Variants in GRIN3A observed in about 807,000 individuals in gnomAD.
GRIN3A encodes glutamate receptor ionotropic, NMDA 3A.
Under a neutral mutation model 92.4 loss-of-function variants are expected in GRIN3A, and 47 were observed. The observed-to-expected ratio is 0.51, with a 90% CI of 0.40 to 0.65. The LOEUF is 0.65. GRIN3A is among the 30% of genes least tolerant of loss of function. The pLI, the probability that GRIN3A is intolerant of heterozygous loss-of-function variation, is 0.00. For synonymous variants in GRIN3A, 527 were observed against 540.6 expected (o/e 0.97, Z 0.35); for missense variants, 1,324 against 1,393.1 (o/e 0.95, Z 0.79).
intron 3 of GRIN3A, among the ~76,000 whole-genome samples, chr9:101,632,848 A>G (rs1828733088): frequency 6.6e-6 from 1 of 152,228 alleles, no homozygotes; most frequent in South Asian, 2.1e-4. Flanking sequence ...AAACAGCTTA[A>G]GCATTTGAGC....
At chr9:101,657,895 G>A (rs1340764301) in intron 3 of GRIN3A, among the ~76,000 whole-genome samples, 5 of 151,886 alleles carry the variant, frequency 3.3e-5, no homozygotes, top group African/African-American at 4.8e-5. Context: ...TGTCTCTTTC[G>A]CTTCTTCATC....
chr9:101,635,948 G>T (rs943640266), intron 3 of GRIN3A, among the ~76,000 whole-genome samples: 1 of 152,142 alleles, frequency 6.6e-6, no homozygotes, highest in African/African-American at 2.4e-5. Context: ...TGGAGTGCAC[G>T]ATCTCAGCTC....
intron 4 of GRIN3A, among the ~76,000 whole-genome samples, chr9:101,623,877 A>G (rs1828592324): frequency 6.6e-6 from 1 of 152,256 alleles, no homozygotes; most frequent in Non-Finnish European, 1.5e-5. Flanking sequence ...GAAGTAACTT[A>G]AACCAGGTTA....
intron 5 of GRIN3A, among the ~76,000 whole-genome samples, chr9:101,617,887 A>C (rs1828487591): frequency 6.7e-6 from 1 of 148,938 alleles, no homozygotes; most frequent in Non-Finnish European, 1.5e-5. Flanking sequence ...TATGAGTGAG[A>C]ATATGCGGTG....
intron 5 of GRIN3A, among the ~76,000 whole-genome samples, chr9:101,621,335 A>C (rs1041009486): frequency 6.6e-6 from 1 of 152,082 alleles, no homozygotes; most frequent in Non-Finnish European, 1.5e-5. Context: ...AAAAGTAGCA[A>C]TCAAGACTTT....
chr9:101,587,471 G>A (rs1827964790), intron 6 of GRIN3A, among the ~76,000 whole-genome samples: 1 of 152,140 alleles, frequency 6.6e-6, no homozygotes, highest in South Asian at 2.1e-4. Flanking sequence ...GGTGGAGCCT[G>A]TTTTAGGAAG....
intron 3 of GRIN3A, among the ~76,000 whole-genome samples, chr9:101,635,742 T>C (rs1392470595): frequency 2.6e-5 from 4 of 152,212 alleles, no homozygotes; most frequent in South Asian, 2.1e-4. Context: ...ATAGGAAGAC[T>C]CTGGTCACAA....
intron 5 of GRIN3A, among the ~76,000 whole-genome samples, chr9:101,619,983 G>A (rs535334175): frequency 2.1e-3 from 317 of 152,244 alleles, no homozygotes; most frequent in African/African-American, 6.8e-3. Context: ...ACTGCGTACC[G>A]ATGAGTACTC....
chr9:101,642,199 T>G (rs1828875521), intron 3 of GRIN3A, among the ~76,000 whole-genome samples: 1 of 152,238 alleles, frequency 6.6e-6, no homozygotes, highest in African/African-American at 2.4e-5. Flanking sequence ...TAATCTTCAA[T>G]GAAGGTCCCA....
intron 6 of GRIN3A, chr9:101,595,080 G>A: frequency 1.4e-6 from 1 of 725,608 alleles, no homozygotes; most frequent in Non-Finnish European, 2.2e-6. Flanking sequence ...GCGGAGGGAG[G>A]GGCGGCAGGT....
At chr9:101,696,547 A>G (rs952226508) in intron 1 of GRIN3A, among the ~76,000 whole-genome samples, 1 of 152,182 alleles carries the variant, frequency 6.6e-6, no homozygotes, top group Non-Finnish European at 1.5e-5. Flanking sequence ...GGTCAAATTA[A>G]GTAACATCTG....
chr9:101,732,058 C>A (rs1830145188), intron 1 of GRIN3A, among the ~76,000 whole-genome samples: 1 of 152,138 alleles, frequency 6.6e-6, no homozygotes, highest in Admixed American at 6.6e-5. Context: ...GAAAAAAAGA[C>A]AATGAGATTT....
intron 2 of GRIN3A, among the ~76,000 whole-genome samples, chr9:101,676,062 A>G (rs1829390738): frequency 6.6e-6 from 1 of 151,816 alleles, no homozygotes; most frequent in African/African-American, 2.4e-5. Context: ...TTTATTATGA[A>G]TTTGTATTTT....
chr9:101,595,072 G>A, intron 6 of GRIN3A: 1 of 789,720 alleles, frequency 1.3e-6, no homozygotes, highest in Non-Finnish European at 2.0e-6. Context: ...GCAGGGGAGC[G>A]GAGGGAGGGG....
intron 1 of GRIN3A, among the ~76,000 whole-genome samples, chr9:101,723,920 T>C (rs7872456): frequency 0.42 from 64,236 of 151,712 alleles, 13,813 homozygotes; most frequent in Non-Finnish European, 0.47. Context: ...AGTAGCTAGA[T>C]ACAGAGTGTC....
In GRIN3A at chr9:101,570,421, A is replaced by G. The variant is rs1346533084; in HGVS notation, c.*2753T>C. The G allele has an allele frequency of 6.6e-6, 1 of 152,662 alleles. No individual in the cohort carries two copies. The highest frequency in any genetic ancestry group is 1.5e-5 in the Non-Finnish European group (1 of 68,050). 9.5% of individuals were successfully genotyped at this position (152,662 alleles called of 1,614,324 possible). ...CCACCATTTCATGACATCATTTTAC[A>G]AAACACAATACACTGTTTCACAAAT... is the stretch of plus-strand genomic sequence containing the variant. On this transcript the variant is annotated 3_prime_UTR_variant, in exon 9 of 9. Coordinates refer to ENST00000361820, the MANE Select transcript of GRIN3A (RefSeq NM_133445.3).
At position 101,735,512 on chromosome 9, in the gene GRIN3A, A is replaced by C. The variant is rs1017783098; in HGVS notation, c.699+1769T>G. ...ATGCTGCACACATCCGTTCTAGAAC[A>C]CAACTTCCCTTCTAACTAAGGAACA... On this transcript the variant is annotated intron_variant, in intron 1 of 8. Coordinates refer to ENST00000361820, the MANE Select transcript of GRIN3A (RefSeq NM_133445.3). Among the ~76,000 whole-genome samples, 17 of 151,952 alleles carry C rather than the reference A, an allele frequency of 1.1e-4. No individual in the cohort carries two copies. In the East Asian group the frequency reaches 2.9e-3, roughly 26 times the overall value.
chr9:101,656,569 T>G (rs140333959), intron 3 of GRIN3A, among the ~76,000 whole-genome samples: 1 of 151,922 alleles, frequency 6.6e-6, no homozygotes, highest in South Asian at 2.1e-4. Context: ...GATTGTATTG[T>G]GCAGAATACA....
chr9:101,595,391 C>T (rs1828112133), intron 6 of GRIN3A, among the ~76,000 whole-genome samples: 1 of 151,622 alleles, frequency 6.6e-6, no homozygotes, highest in Admixed American at 6.6e-5. Context: ...GCTGCAGTAT[C>T]CCAGAAGCAC....
Sources: allele counts gnomAD v4.1 joint callset (sites outside exome capture counted in the v4.1 genomes callset), GRCh38; gene constraint gnomAD v4.1.1; transcripts MANE v1.5; gene names NCBI Gene and HGNC (gene_info 2026-07-23, HGNC 2026-07-21).